Variants in RIMBP2 observed in about 807,000 individuals in gnomAD.
RIMBP2 encodes the protein RIMS binding protein 2.
In RIMBP2, 48 loss-of-function variants were observed where a neutral mutation model predicts 118.6. The observed-to-expected ratio is 0.40, with a 90% CI of 0.32 to 0.51. The LOEUF (loss-of-function observed/expected upper bound fraction) is 0.51, where lower values mean the gene tolerates loss of function less well. Among genes scored for constraint, RIMBP2 ranks in the 20% least tolerant of loss-of-function variants. The pLI is 0.41. For synonymous variants in RIMBP2, 762 were observed against 742.9 expected (o/e 1.03, Z -0.42); for missense variants, 1,551 against 1,768.3 (o/e 0.88, Z 2.20).
At chr12:130,541,104 C>T (rs751271495) in intron 2 of RIMBP2, among the ~76,000 whole-genome samples, 2 of 152,166 alleles carry the variant, frequency 1.3e-5, no homozygotes, top group African/African-American at 2.4e-5. Context: ...CAAGAGGCCA[C>T]TGCAGGGCCA....
intron 1 of RIMBP2, among the ~76,000 whole-genome samples, chr12:130,675,275 G>T (rs1217730209): frequency 2.0e-5 from 3 of 151,902 alleles, no homozygotes; most frequent in African/African-American, 7.3e-5. Context: ...TCTACCTAAG[G>T]CCAACCACCA....
chr12:130,414,561 C>A lies in RIMBP2; in HGVS notation c.3239-255G>T, dbSNP rs560207482. 1.0e-4 allele frequency: 33 copies of A among 316,096 alleles called. 2 individuals are homozygous for A. In the South Asian group the frequency reaches 1.6e-3, roughly 15 times the overall value. 19.6% of individuals were successfully genotyped at this position (316,096 alleles called of 1,614,324 possible). On this transcript the variant is annotated intron_variant, in intron 17 of 22. Transcript: ENST00000690449. ...TTGAGACAGGGCTGGGCCTCGGGGG[C>A]CTCCTCAGAGAGCACAGGCTGGGGC...
In RIMBP2 at chr12:130,461,543, G is replaced by C. The variant is rs535426345; in HGVS notation, c.154-4843C>G. Reference sequence around the variant, plus strand: ...AGCTAAAGCTTCTGGTTTCCCAGGAGCAGCAGGGCGTCGTCCCCTCCACAT... The same window carrying C: ...AGCTAAAGCTTCTGGTTTCCCAGGACCAGCAGGGCGTCGTCCCCTCCACAT... On this transcript the variant is annotated intron_variant, in intron 6 of 22. Transcript: ENST00000690449. 6.6e-5 allele frequency among the ~76,000 whole-genome samples: 10 copies of C among 152,336 alleles called. No homozygotes were observed. In the South Asian group the frequency reaches 2.1e-3, roughly 32 times the overall value.
At chr12:130,438,645 A>G in intron 11 of RIMBP2, 129 bp from the exon 12 acceptor site, 1 of 415,654 alleles carries the variant, frequency 2.4e-6, no homozygotes, top group Non-Finnish European at 4.1e-6. Context: ...AAGAGAAGAC[A>G]GTGTTGAAAG....
At chr12:130,478,862 A>G (rs1204370020) in intron 5 of RIMBP2, 50 bp downstream of exon 5, 1 of 1,393,192 alleles carries the variant, frequency 7.2e-7, no homozygotes. Context: ...TCCCCGGCCC[A>G]CCCGTGGACT....
intron 1 of RIMBP2, among the ~76,000 whole-genome samples, chr12:130,677,448 C>G (rs1033328415): frequency 2.0e-5 from 3 of 151,884 alleles, no homozygotes; most frequent in Non-Finnish European, 2.9e-5. Context: ...GCCAACATGG[C>G]GAAACCCCAT....
intron 1 of RIMBP2, among the ~76,000 whole-genome samples, chr12:130,653,842 A>T (rs2063323736): frequency 6.6e-6 from 1 of 152,156 alleles, no homozygotes; most frequent in Non-Finnish European, 1.5e-5. Flanking sequence ...CCCAAGCTAC[A>T]CCCAGGGTCC....
chr12:130,553,786 T>C (rs1446299085), intron 2 of RIMBP2, among the ~76,000 whole-genome samples: 1 of 152,226 alleles, frequency 6.6e-6, no homozygotes, highest in Non-Finnish European at 1.5e-5. Flanking sequence ...ACCAAAGACA[T>C]AGAGCTGCCA....
rs567723725 is a variant in RIMBP2 at position 130,530,459 on chromosome 12, C to A, written c.-216-12542G>T. Reference sequence around the variant, plus strand: ...AATGCTTATACTAAAAATATTTATACAATAAGGCAGCTAAGAATAACAATT... The same window carrying A: ...AATGCTTATACTAAAAATATTTATAAAATAAGGCAGCTAAGAATAACAATT... On this transcript the variant is annotated intron_variant, in intron 2 of 22. Transcript: ENST00000690449. Among the ~76,000 whole-genome samples, 5 of 151,102 alleles carry A rather than the reference C, an allele frequency of 3.3e-5. No homozygotes were observed. The East Asian group carries it at 9.8e-4, about 30-fold the overall frequency.
chr12:130,492,381 G>T (rs1288310296), intron 4 of RIMBP2, among the ~76,000 whole-genome samples: 7 of 137,270 alleles, frequency 5.1e-5, no homozygotes, highest in African/African-American at 1.9e-4. Context: ...TTCAGCCCAA[G>T]TATTTTAGTT....
chr12:130,510,720 C>T (rs1036755296), intron 3 of RIMBP2, among the ~76,000 whole-genome samples: 19 of 152,208 alleles, frequency 1.2e-4, no homozygotes, highest in African/African-American at 4.6e-4. Flanking sequence ...CTGCCCACTT[C>T]GGCCTCCCGA....
At chr12:130,628,900 C>T (rs1341666142) in intron 1 of RIMBP2, among the ~76,000 whole-genome samples, 3 of 151,940 alleles carry the variant, frequency 2.0e-5, no homozygotes, top group Admixed American at 6.6e-5. Context: ...GATGCCCAGC[C>T]GATGACAGAA....
In RIMBP2 at chr12:130,632,928, TA is replaced by T. The variant is rs1246253186; in HGVS notation, c.-351-4473del. On this transcript the variant is annotated intron_variant, in intron 1 of 22. Coordinates refer to ENST00000690449, the MANE Select transcript of RIMBP2 (RefSeq NM_001393629.1). ...TGCTGCCGTGGAACACCAGGACACA[TA>T]AAACACCGGCCACCTGCTCTGCCCC... Among the ~76,000 whole-genome samples the T allele has an allele frequency of 2.6e-5, 4 of 152,170 alleles. No individual in the cohort carries two copies. The East Asian group carries it at 7.7e-4, about 29-fold the overall frequency.
At chr12:130,427,493 G>C (rs1028152050) in intron 15 of RIMBP2, 2 of 152,442 alleles carry the variant, frequency 1.3e-5, no homozygotes, top group African/African-American at 4.8e-5. Context: ...CCAGGACCAA[G>C]GGAAAGCCAC....
intron 6 of RIMBP2, among the ~76,000 whole-genome samples, chr12:130,458,120 T>A (rs2079619168): frequency 7.4e-6 from 1 of 134,296 alleles, no homozygotes; most frequent in African/African-American, 2.8e-5. Flanking sequence ...TCCCCCACTA[T>A]CCCTCCACAG....
At chr12:130,505,498 C>T (rs2050226420) in intron 4 of RIMBP2, among the ~76,000 whole-genome samples, 1 of 117,474 alleles carries the variant, frequency 8.5e-6, no homozygotes, top group Non-Finnish European at 1.8e-5. Context: ...CCACTCCCCC[C>T]ACCACCATCC....
At chr12:130,436,752 G>T in intron 13 of RIMBP2, 90 bp downstream of exon 13, 2 of 1,090,542 alleles carry the variant, frequency 1.8e-6, no homozygotes, top group Non-Finnish European at 2.4e-6. Flanking sequence ...TGGGATGCGG[G>T]TCCCCCTCCA....
At chr12:130,421,691 A>ATG (rs35161782) in intron 17 of RIMBP2, among the ~76,000 whole-genome samples, 7,102 of 147,260 alleles carry the variant, frequency 0.048, 214 homozygotes, top group African/African-American at 0.094. Flanking sequence ...CTGCATTTAT[A>ATG]TGTGTGTGTG....
intron 4 of RIMBP2, among the ~76,000 whole-genome samples, chr12:130,495,513 C>T (rs569292341): frequency 7.2e-5 from 11 of 152,328 alleles, no homozygotes; most frequent in Admixed American, 6.5e-5. Flanking sequence ...CGTCTTCCTC[C>T]GTCTCTGAAA....
Sources: allele counts gnomAD v4.1 joint callset (sites outside exome capture counted in the v4.1 genomes callset), GRCh38; gene constraint gnomAD v4.1.1; transcripts MANE v1.5; gene names NCBI Gene and HGNC (gene_info 2026-07-23, HGNC 2026-07-21).